FSTL1: variants seen among roughly 807,000 people sequenced by gnomAD.
The protein encoded by FSTL1 is follistatin like 1, also known as follistatin-related protein 1.
FSTL1 carries 24 observed loss-of-function variants against 45.9 expected under a neutral mutation model. That is an observed-to-expected ratio of 0.52 (90% CI 0.38 to 0.74). The LOEUF (loss-of-function observed/expected upper bound fraction) is 0.74. Ranked by LOEUF, FSTL1 falls within the 30% of genes least tolerant of loss-of-function variation. The pLI, the probability that FSTL1 is intolerant of heterozygous loss-of-function variation, is 0.00. For missense variants in FSTL1, 340 were observed against 381.8 expected (o/e 0.89, Z 0.91); for synonymous variants, 120 against 137.6 (o/e 0.87, Z 0.89).
chr3:120,420,905 A>G (rs1027465521), intron 2 of FSTL1, among the ~76,000 whole-genome samples: 5 of 152,204 alleles, frequency 3.3e-5, no homozygotes, highest in Admixed American at 3.3e-4. Context: ...CCTCTTTACA[A>G]ATCAAAGCCA....
chr3:120,442,571 G>A (rs1937645001), intron 2 of FSTL1, among the ~76,000 whole-genome samples: 1 of 151,922 alleles, frequency 6.6e-6, no homozygotes, highest in Non-Finnish European at 1.5e-5. Flanking sequence ...CTTGAGGGTG[G>A]GAGTTCCAGA....
rs779584814 is a variant in FSTL1, at chr3:120,450,747, C to G, written c.1-1G>C. The G allele has an allele frequency of 6.3e-7, 1 of 1,579,094 alleles. No individual in the cohort carries two copies. Among genetic ancestry groups the G allele is most frequent in the Non-Finnish European group, 8.6e-7 (1 of 1,169,400 alleles). ...CGAGCGCGAGCCAGCGTTTCCACAT[C>G]TGCGGAAGAGAGAAGAGAGCGAGTC... is the stretch of plus-strand genomic sequence containing the variant. On this transcript the variant is annotated splice_acceptor_variant, in intron 1 of 10. Transcript: ENST00000295633. LOFTEE classifies it low-confidence loss of function (5UTR_SPLICE).
intron 3 of FSTL1, among the ~76,000 whole-genome samples, chr3:120,413,972 G>A (rs1364548109): frequency 6.6e-6 from 1 of 151,946 alleles, no homozygotes; most frequent in Non-Finnish European, 1.5e-5. Context: ...TGGTGGAGAC[G>A]GGGTTTCGCT....
chr3:120,440,728 T>C (rs1292973132), intron 2 of FSTL1, among the ~76,000 whole-genome samples: 2 of 152,238 alleles, frequency 1.3e-5, no homozygotes, highest in Non-Finnish European at 2.9e-5. Flanking sequence ...TGCAAAATAG[T>C]GTATTGAGAC....
At chr3:120,423,392 T>C (rs909519652) in intron 2 of FSTL1, 3 of 151,754 alleles carry the variant, frequency 2.0e-5, no homozygotes, top group Middle Eastern at 6.8e-3. Flanking sequence ...TGTTCTGCAA[T>C]GGTCTTGTCT....
intron 3 of FSTL1, among the ~76,000 whole-genome samples, chr3:120,414,328 G>A (rs1454416691): frequency 2.6e-5 from 4 of 151,422 alleles, no homozygotes. Flanking sequence ...TCCCACCTAG[G>A]AAGTGAGGAG....
At chr3:120,419,522 G>C (rs1239043953) in intron 2 of FSTL1, 1 of 152,216 alleles carries the variant, frequency 6.6e-6, no homozygotes, top group African/African-American at 2.4e-5. Context: ...GAGAGGGGTT[G>C]AACATGCTCA....
intron 5 of FSTL1, chr3:120,410,606 A>G (rs1472770469): frequency 2.6e-6 from 1 of 384,188 alleles, no homozygotes; most frequent in Non-Finnish European, 5.1e-6. Context: ...CCCTTTCAAA[A>G]AGAGTTGTGC....
At chr3:120,407,217 A>G (rs189861733) in intron 6 of FSTL1, among the ~76,000 whole-genome samples, 4 of 152,328 alleles carry the variant, frequency 2.6e-5, no homozygotes, top group East Asian at 1.9e-4. Context: ...GGGCTTATCA[A>G]TGTAAGTTTG....
chr3:120,443,167 T>C (rs75339997), intron 2 of FSTL1, among the ~76,000 whole-genome samples: 8,945 of 149,420 alleles, frequency 0.06, 438 homozygotes, highest in Non-Finnish European at 0.091. Flanking sequence ...GTGGACAGGC[T>C]GAAAAGGGCC....
rs1214593257 is a variant in FSTL1 at position 120,395,862 on chromosome 3, T to C, written c.*1090A>G. The C allele has an allele frequency of 2.6e-6, 1 of 387,180 alleles. No individual in the cohort carries two copies. The highest frequency in any genetic ancestry group is 2.1e-5 in the African/African-American group (1 of 46,982). The allele number at this position is 387,180 out of a possible 1,614,324, so 24.0% of individuals were successfully genotyped here. A position where few individuals can be genotyped will look rare whatever the true frequency, so the allele number is the denominator to read the frequency against. ...CCTCCTAGTTAGTCGAATGAGCATA[T>C]TGGTAGGCTGGGATATCCTAAGCCC... On this transcript the variant is annotated 3_prime_UTR_variant, in exon 11 of 11. Coordinates refer to ENST00000295633, the MANE Select transcript of FSTL1 (RefSeq NM_007085.5).
chr3:120,415,810 G>T, intron 3 of FSTL1, 113 bp downstream of exon 3: 1 of 591,060 alleles, frequency 1.7e-6, no homozygotes, highest in South Asian at 2.6e-5. Context: ...GGGGGATGAA[G>T]AATGCTTTTA....
chr3:120,404,833 G>C lies in FSTL1; in HGVS notation c.581+20C>G, dbSNP rs1471653340. The C allele has an allele frequency of 6.0e-6, 7 of 1,159,038 alleles. No individual in the cohort carries two copies. Among genetic ancestry groups the C allele is most frequent in the Non-Finnish European group, 9.2e-6 (7 of 764,068 alleles). 71.8% of individuals were successfully genotyped at this position (1,159,038 alleles called of 1,614,324 possible). On this transcript the variant is annotated intron_variant, in intron 7 of 10. Coordinates refer to ENST00000295633, the MANE Select transcript of FSTL1 (RefSeq NM_007085.5). ...AGTCTTCCCTTGTGGATCATTCTCTGACCTCTCGGTTCCTCTCACCTAAGC... is the reference window on the plus strand; with the variant it reads ...AGTCTTCCCTTGTGGATCATTCTCTCACCTCTCGGTTCCTCTCACCTAAGC...
At chr3:120,440,653 C>T (rs1291895354) in intron 2 of FSTL1, among the ~76,000 whole-genome samples, 5 of 152,210 alleles carry the variant, frequency 3.3e-5, no homozygotes, top group African/African-American at 1.2e-4. Context: ...AACAGATTTG[C>T]AATACCTTTT....
At chr3:120,420,310 A>G (rs376441926) in intron 2 of FSTL1, among the ~76,000 whole-genome samples, 47 of 152,314 alleles carry the variant, frequency 3.1e-4, no homozygotes, top group African/African-American at 1.1e-3. Flanking sequence ...CAATATCACA[A>G]AAGTATGAAC....
intron 2 of FSTL1, among the ~76,000 whole-genome samples, chr3:120,426,137 G>A (rs1300851988): frequency 2.0e-5 from 3 of 151,874 alleles, no homozygotes; most frequent in Non-Finnish European, 4.4e-5. Flanking sequence ...TGTAGTTCAA[G>A]GAAAATGGTT....
chr3:120,433,524 A>C (rs1010167169), intron 2 of FSTL1, among the ~76,000 whole-genome samples: 3 of 152,212 alleles, frequency 2.0e-5, no homozygotes, highest in Non-Finnish European at 2.9e-5. Flanking sequence ...TCTACTATAC[A>C]CTAAGCACAA....
Position 120,411,015 on chromosome 3 carries a change from C to T in FSTL1, c.299-31G>A, listed in dbSNP as rs370427588. ...AGACAAAAAGAGAAAACGTGTAATG[C>T]GAAGTGAAGGAAAAAAGAAAATTTT... On this transcript the variant is annotated intron_variant, in intron 4 of 10. Transcript: ENST00000295633. 44 of 1,571,376 alleles carry T rather than the reference C, an allele frequency of 2.8e-5. No individual in the cohort carries two copies. The African/African-American group carries it at 2.9e-4, about 10-fold the overall frequency.
intron 10 of FSTL1, among the ~76,000 whole-genome samples, chr3:120,398,527 T>G (rs1238488404): frequency 2.0e-5 from 3 of 152,188 alleles, no homozygotes; most frequent in Non-Finnish European, 4.4e-5. Context: ...CCCAGCTTCA[T>G]CCCCACTCAG....
Sources: allele counts gnomAD v4.1 joint callset (sites outside exome capture counted in the v4.1 genomes callset), GRCh38; gene constraint gnomAD v4.1.1; transcripts MANE v1.5; gene names NCBI Gene and HGNC (gene_info 2026-07-23, HGNC 2026-07-21).